Variants in STK38L observed in about 807,000 individuals in gnomAD.
STK38L encodes the protein serine/threonine kinase 38 like.
STK38L carries 28 observed loss-of-function variants against 59.7 expected under a neutral mutation model. The ratio of observed to expected loss-of-function variants is 0.47; its 90% confidence interval spans 0.35 to 0.64. STK38L has a LOEUF of 0.64. STK38L is among the 30% of genes least tolerant of loss of function. STK38L has a pLI of 0.01. For missense variants in STK38L, 314 were observed against 555.8 expected, an observed-to-expected ratio of 0.56 and a Z score of 4.37; for synonymous variants, 162 against 176.8, an observed-to-expected ratio of 0.92 and a Z score of 0.66.
Position 27,323,111 on chromosome 12 carries a change from C to A in STK38L, c.*656C>A, listed in dbSNP as rs181521480. 37 of 152,304 alleles carry A rather than the reference C, an allele frequency of 2.4e-4. No individual in the cohort carries two copies. The highest frequency in any genetic ancestry group is 6.5e-4 in the African/African-American group (27 of 41,562). The allele number at this position is 152,304 out of a possible 1,614,324, so 9.4% of individuals were successfully genotyped here. ...ATAATAAGGAAGACAAAGTTTAACA[C>A]CTTCACTCAAGCACTCCACTAATAT... is the stretch of plus-strand genomic sequence containing the variant. On this transcript the variant is annotated 3_prime_UTR_variant, in exon 14 of 14. Coordinates refer to ENST00000389032, the MANE Select transcript of STK38L (RefSeq NM_015000.4).
chr12:27,307,030 A>G (rs1250462372), intron 3 of STK38L, among the ~76,000 whole-genome samples: 1 of 152,172 alleles, frequency 6.6e-6, no homozygotes, highest in Non-Finnish European at 1.5e-5. Flanking sequence ...CACCCGGCTT[A>G]TCGCCTCACT....
chr12:27,302,817 G>A (rs1412896957), intron 3 of STK38L, among the ~76,000 whole-genome samples: 2 of 151,456 alleles, frequency 1.3e-5, no homozygotes, highest in African/African-American at 2.4e-5. Flanking sequence ...TCAGGAGATC[G>A]AGACCACGGT....
At chr12:27,318,196 G>C (rs538644013) in intron 11 of STK38L, among the ~76,000 whole-genome samples, 177 bp downstream of exon 11, 2 of 152,076 alleles carry the variant, frequency 1.3e-5, no homozygotes, top group African/African-American at 4.8e-5. Context: ...AGAAAAAAAC[G>C]TAGGAATTAA....
chr12:27,263,977 G>A lies in STK38L; in HGVS notation c.-12+19645G>A, dbSNP rs537745192. Among the ~76,000 whole-genome samples, 84 of 152,322 alleles carry A rather than the reference G, an allele frequency of 5.5e-4. 1 individual carries two copies. The highest frequency in any genetic ancestry group is 1.8e-3 in the Admixed American group (28 of 15,294). On this transcript the variant is annotated intron_variant, in intron 1 of 13. Transcript: ENST00000389032. ...AGGTTCTTTAAATACAAGTAAAGGG[G>A]AAAGGAAGGACCATTTTTAAGTTTA...
chr12:27,261,217 C>T (rs1943197096), intron 1 of STK38L, among the ~76,000 whole-genome samples: 1 of 152,114 alleles, frequency 6.6e-6, no homozygotes, highest in Admixed American at 6.5e-5. Context: ...TTGATTTTAT[C>T]TGTGGGAGAA....
intron 1 of STK38L, chr12:27,293,739 A>G (rs1219897304): frequency 1.3e-5 from 2 of 152,238 alleles, no homozygotes; most frequent in African/African-American, 2.4e-5. Flanking sequence ...AACTGTGAAC[A>G]GCATAATTCT....
rs187946281 is a variant in STK38L, at chr12:27,269,945, C to G, written c.-12+25613C>G. 2.8e-3 allele frequency among the ~76,000 whole-genome samples: 419 copies of G among 152,286 alleles called. 2 individuals carry two copies. Among genetic ancestry groups the G allele is most frequent in the Non-Finnish European group, 4.4e-3 (296 of 68,026 alleles). ...GGCATGAGCAGCTGCACCCGGCCAA[C>G]TTTCAATCGTAAGTACCCTTTTTTG... On this transcript the variant is annotated intron_variant, in intron 1 of 13. Coordinates refer to ENST00000389032, the MANE Select transcript of STK38L (RefSeq NM_015000.4).
intron 1 of STK38L, among the ~76,000 whole-genome samples, chr12:27,275,057 C>G (rs905316127): frequency 1.3e-5 from 2 of 152,190 alleles, no homozygotes; most frequent in Admixed American, 6.5e-5. Context: ...ACATCATACT[C>G]AGACTTAAAA....
At chr12:27,278,429 T>C (rs1943582801) in intron 1 of STK38L, among the ~76,000 whole-genome samples, 1 of 152,214 alleles carries the variant, frequency 6.6e-6, no homozygotes, top group Non-Finnish European at 1.5e-5. Context: ...ATTGTTTATA[T>C]GGGTTAGTCT....
At chr12:27,251,314 T>C (rs1435600259) in intron 1 of STK38L, among the ~76,000 whole-genome samples, 1 of 152,232 alleles carries the variant, frequency 6.6e-6, no homozygotes, top group Non-Finnish European at 1.5e-5. Context: ...GGAGCCCTTA[T>C]ATTTGTATTA....
rs758242093 is a variant in STK38L, at chr12:27,322,250, A to T, written c.1267+16A>T. 8 of 1,613,534 alleles carry T rather than the reference A, an allele frequency of 5.0e-6. No individual in the cohort carries two copies. Among genetic ancestry groups the T allele is most frequent in the Admixed American group, 1.7e-5 (1 of 59,956 alleles). ...TTACAACCAGGTAAGACAATCTGTA[A>T]TGTAACTAACCCTATTAAAAGTCTT... On this transcript the variant is annotated intron_variant, in intron 13 of 13. Coordinates refer to ENST00000389032, the MANE Select transcript of STK38L (RefSeq NM_015000.4).
intron 3 of STK38L, among the ~76,000 whole-genome samples, chr12:27,306,714 AACACACACACACACAC>A (rs10553623): frequency 9.3e-5 from 13 of 139,084 alleles, no homozygotes; most frequent in African/African-American, 3.2e-4. Flanking sequence ...GAATTTTATA[AACACACACACACACAC>A]ACACACACAC....
chr12:27,253,982 T>G (rs190565188), intron 1 of STK38L, among the ~76,000 whole-genome samples: 1 of 152,344 alleles, frequency 6.6e-6, no homozygotes, highest in East Asian at 1.9e-4. Flanking sequence ...TGGAGTGCAG[T>G]GCTGGTGATA....
intron 9 of STK38L, 86 bp downstream of exon 9, chr12:27,315,436 T>A: frequency 9.5e-7 from 1 of 1,050,138 alleles, no homozygotes; most frequent in Non-Finnish European, 1.4e-6. Flanking sequence ...ATCTTTATAA[T>A]AATTAGTATT....
intron 1 of STK38L, among the ~76,000 whole-genome samples, chr12:27,259,189 G>GT (rs1395785242): frequency 3.3e-5 from 5 of 152,216 alleles, no homozygotes; most frequent in Admixed American, 3.3e-4. Flanking sequence ...TAAACACAGA[G>GT]TTAATCTTTT....
chr12:27,302,441 C>T (rs1314572541), intron 3 of STK38L: 4 of 292,880 alleles, frequency 1.4e-5, no homozygotes, highest in African/African-American at 2.2e-5. Flanking sequence ...GAAAGGCAAG[C>T]TCCGGGAGGA....
chr12:27,299,417 C>T lies in STK38L; in HGVS notation c.134+1563C>T. Among the ~76,000 whole-genome samples the T allele has an allele frequency of 2.0e-5, 3 of 151,952 alleles. No individual in the cohort carries two copies. In the Middle Eastern group the frequency reaches 0.01, roughly 517 times the overall value. Reference sequence around the variant, plus strand: ...GAAAGGAATGAAAATAGAGCAGAGGCAAACAAACAAAAAAAGAGTTAGCAT... The same window carrying T: ...GAAAGGAATGAAAATAGAGCAGAGGTAAACAAACAAAAAAAGAGTTAGCAT... On this transcript the variant is annotated intron_variant, in intron 2 of 13. Coordinates refer to ENST00000389032, the MANE Select transcript of STK38L (RefSeq NM_015000.4).
Position 27,317,963 on chromosome 12 carries a change from T to A in STK38L, c.1023T>A (p.Thr341=). The A allele has an allele frequency of 6.2e-7, 1 of 1,613,998 alleles. No homozygotes were observed. Among genetic ancestry groups the A allele is most frequent in the Non-Finnish European group, 8.5e-7 (1 of 1,179,936 alleles). The change falls in exon 11 of 14, where the codon ACT becomes ACA. Residue 341 remains threonine, a synonymous_variant. Transcript: ENST00000389032. ...GAAAAGTGATGAACTGGAAAGAAAC[T>A]CTGGTATTTCCTCCAGAGGTACCTA... The part of the protein sequence containing the change: ...TYRKVMNWKE[T]LVFPPEVPIS...
intron 6 of STK38L, among the ~76,000 whole-genome samples, chr12:27,312,975 G>A (rs1388147035): frequency 6.6e-6 from 1 of 152,212 alleles, no homozygotes. Context: ...CTGGATGGGC[G>A]CAGTGGCTCA....
Sources: allele counts gnomAD v4.1 joint callset (sites outside exome capture counted in the v4.1 genomes callset), GRCh38; gene constraint gnomAD v4.1.1; transcripts MANE v1.5; gene names NCBI Gene and HGNC (gene_info 2026-07-23, HGNC 2026-07-21).